PNLIPRP3: variants seen among roughly 807,000 people sequenced by gnomAD.
PNLIPRP3 encodes pancreatic lipase related protein 3, also known as pancreatic lipase-related protein 3.
A neutral mutation model predicts 52.8 loss-of-function variants in PNLIPRP3; 58 were observed. That is an observed-to-expected ratio of 1.10 (90% CI 0.89 to 1.37). PNLIPRP3 has a LOEUF of 1.37. Ranked by LOEUF, PNLIPRP3 falls within the 40% of genes most tolerant of loss-of-function variation. PNLIPRP3 has a pLI of 0.00. For synonymous variants in PNLIPRP3, 192 were observed against 185.0 expected, an observed-to-expected ratio of 1.04 and a Z score of -0.31; for missense variants, 593 against 561.6, an observed-to-expected ratio of 1.06 and a Z score of -0.57.
At chr10:116,450,458 A>C (rs1001501083) in intron 4 of PNLIPRP3, among the ~76,000 whole-genome samples, 14 of 152,218 alleles carry the variant, frequency 9.2e-5, no homozygotes, top group African/African-American at 3.4e-4. Context: ...AAATAATAAA[A>C]ATTACAGTAG....
intron 3 of PNLIPRP3, among the ~76,000 whole-genome samples, chr10:116,443,803 A>ATG (rs1564695678): frequency 5.6e-4 from 1 of 1,784 alleles, no homozygotes; most frequent in East Asian, 4.6e-3. Flanking sequence ...GTGTGTGTGC[A>ATG]TATATATATA....
intron 8 of PNLIPRP3, among the ~76,000 whole-genome samples, chr10:116,467,337 G>T (rs2133152130): frequency 6.6e-6 from 1 of 152,234 alleles, no homozygotes; most frequent in Non-Finnish European, 1.5e-5. Context: ...GCTACAGTGT[G>T]CTATGATCAT....
chr10:116,465,975 ACTGTTT>A (rs1846276334), intron 7 of PNLIPRP3, 69 bp from the exon 8 acceptor site: 3 of 1,076,426 alleles, frequency 2.8e-6, no homozygotes, highest in African/African-American at 3.1e-5. Flanking sequence ...ACTTACAGTT[ACTGTTT>A]CTAAGATATG....
At chr10:116,460,916 A>T (rs1490770794) in intron 5 of PNLIPRP3, 50 bp from the exon 6 acceptor site, 2 of 1,587,620 alleles carry the variant, frequency 1.3e-6, no homozygotes, top group Admixed American at 3.6e-5. Flanking sequence ...AAGTAACAAC[A>T]ATATTAATGT....
chr10:116,464,785 TG>T (rs1246166895), intron 7 of PNLIPRP3, among the ~76,000 whole-genome samples: 3 of 152,212 alleles, frequency 2.0e-5, no homozygotes, highest in Non-Finnish European at 4.4e-5. Context: ...GGCTTGTTTG[TG>T]TTACAGCTCA....
Position 116,469,302 on chromosome 10 carries a change from CT to C in PNLIPRP3, c.1048del (p.Ser350ProfsTer28). On this transcript the variant is annotated frameshift_variant, in exon 9 of 12. Transcript: ENST00000369230. LOFTEE classifies it high-confidence loss of function. ...GSHYFLNTGS[L>X]SPFARWRHKL... Reference sequence around the variant, plus strand: ...ACATTATTTTTTAAACACAGGGTCCCTTTCCCCATTTGCCCGTAAGTATCAT... The same window carrying C: ...ACATTATTTTTTAAACACAGGGTCCCTTCCCCATTTGCCCGTAAGTATCAT... 6.2e-7 allele frequency: 1 copy of C among 1,604,426 alleles called. No homozygotes were observed. Among genetic ancestry groups the C allele is most frequent in the Admixed American group, 1.7e-5 (1 of 58,380 alleles).
Position 116,476,968 on chromosome 10 carries a change from A to G in PNLIPRP3, c.1341-122A>G, listed in dbSNP as rs560449353. 165 of 1,165,138 alleles carry G rather than the reference A, an allele frequency of 1.4e-4. No homozygotes were observed. In the African/African-American group the frequency reaches 1.5e-3, roughly 11 times the overall value. 72.2% of individuals were successfully genotyped at this position (1,165,138 alleles called of 1,614,324 possible). Reference sequence around the variant, plus strand: ...AAGAAAGGGAAAAGTTAAGAAACCAATGCTATATGTGCAGAAGTGTTAGAA... The same window carrying G: ...AAGAAAGGGAAAAGTTAAGAAACCAGTGCTATATGTGCAGAAGTGTTAGAA... On this transcript the variant is annotated intron_variant, in intron 11 of 11. Coordinates refer to ENST00000369230, the MANE Select transcript of PNLIPRP3 (RefSeq NM_001011709.3).
At chr10:116,440,609 C>G (rs1186248050) in intron 2 of PNLIPRP3, among the ~76,000 whole-genome samples, 1 of 152,216 alleles carries the variant, frequency 6.6e-6, no homozygotes, top group African/African-American at 2.4e-5. Context: ...TAACTCTACA[C>G]AGTTAACATA....
At chr10:116,442,013 A>G (rs542109969) in intron 2 of PNLIPRP3, among the ~76,000 whole-genome samples, 64 of 152,310 alleles carry the variant, frequency 4.2e-4, no homozygotes, top group African/African-American at 1.5e-3. Context: ...TTGCATTACT[A>G]TTAAACACAG....
chr10:116,460,969 T>G lies in PNLIPRP3; in HGVS notation c.569T>G (p.Leu190Trp). The G allele has an allele frequency of 6.2e-7, 1 of 1,611,922 alleles. No homozygotes were observed. The highest frequency in any genetic ancestry group is 8.5e-7 in the Non-Finnish European group (1 of 1,179,992). Residue 190 changes from leucine to tryptophan, a missense_variant, in exon 6 of 12, where the codon TTG (leucine) becomes TGG (tryptophan). Physicochemically the swap from Leu to Trp is moderately conservative, Grantham distance 61 (BLOSUM62 -2). Coordinates refer to ENST00000369230, the MANE Select transcript of PNLIPRP3 (RefSeq NM_001011709.3). ...GTCTTGGTTGTGCTTTCTCTAGGGT[T>G]GGACCCAGCTGGGCCATTTTTCCAC... ...RIPGLGRITGLDPAGPFFHNT... is the reference protein window; with the variant it reads ...RIPGLGRITGWDPAGPFFHNT...
chr10:116,431,923 C>A (rs941604427), intron 1 of PNLIPRP3, among the ~76,000 whole-genome samples: 3 of 152,206 alleles, frequency 2.0e-5, no homozygotes, highest in African/African-American at 4.8e-5. Flanking sequence ...CTCTCCCCCC[C>A]AGGTCTTGAT....
rs1272317173 is a variant in PNLIPRP3 at position 116,476,539 on chromosome 10, CA to C, written c.1173-110del. On this transcript the variant is annotated intron_variant, in intron 10 of 11. Coordinates refer to ENST00000369230, the MANE Select transcript of PNLIPRP3 (RefSeq NM_001011709.3). The stretch of plus-strand genomic sequence containing the variant: ...ATGGAAAGAATAAATCTCCTACAAG[CA>C]AATGCTAGCAAATACAAGTTTCTCT... The C allele has an allele frequency of 3.9e-6, 3 of 778,366 alleles. No homozygotes were observed. In the African/African-American group the frequency reaches 5.5e-5, roughly 14 times the overall value. 48.2% of individuals were successfully genotyped at this position (778,366 alleles called of 1,614,324 possible).
At chr10:116,451,072 T>G (rs1846029535) in intron 4 of PNLIPRP3, among the ~76,000 whole-genome samples, 1 of 152,150 alleles carries the variant, frequency 6.6e-6, no homozygotes, top group African/African-American at 2.4e-5. Context: ...ATTAAAGCAG[T>G]GTGGCACTGG....
chr10:116,435,365 C>G (rs1008799324), intron 1 of PNLIPRP3, among the ~76,000 whole-genome samples: 11 of 150,056 alleles, frequency 7.3e-5, no homozygotes, highest in African/African-American at 2.7e-4. Context: ...AACTGGGAGT[C>G]AGGTTCTAAT....
At position 116,447,389 on chromosome 10, in the gene PNLIPRP3, T is replaced by C. The variant is rs563928855; in HGVS notation, c.456+2876T>C. Among the ~76,000 whole-genome samples the C allele has an allele frequency of 2.0e-5, 3 of 152,298 alleles. No individual in the cohort carries two copies. In the South Asian group the frequency reaches 6.2e-4, roughly 32 times the overall value. On this transcript the variant is annotated intron_variant, in intron 4 of 11. Transcript: ENST00000369230. ...CCCTCGCAGAGGTGGCTATTTTTTC[T>C]AATGTGCAAATACCAACATAAAGAG...
At chr10:116,458,452 T>C (rs1846146778) in intron 5 of PNLIPRP3, among the ~76,000 whole-genome samples, 1 of 1,416 alleles carries the variant, frequency 7.1e-4, no homozygotes, top group Non-Finnish European at 1.2e-3. Context: ...AAGACTGTCT[T>C]TTTTTTTTTT....
chr10:116,436,774 T>C lies in PNLIPRP3; in HGVS notation c.113T>C (p.Phe38Ser). The change falls in exon 2 of 12, where the codon TTC becomes TCC. Residue 38 changes from phenylalanine to serine, a missense_variant. By Grantham distance (155) the Phe-to-Ser change is radical (BLOSUM62 -2). Coordinates refer to ENST00000369230, the MANE Select transcript of PNLIPRP3 (RefSeq NM_001011709.3). ...GATGGTTTACCATGGACCAGGACTTTCTCAACAGAGTTGGTAGGTTTACCC... is the reference window on the plus strand; with the variant it reads ...GATGGTTTACCATGGACCAGGACTTCCTCAACAGAGTTGGTAGGTTTACCC... ...FKDGLPWTRT[F>S]STELVGLPWS... 1 of 1,613,822 alleles carries C rather than the reference T, an allele frequency of 6.2e-7. No homozygotes were observed. The highest frequency in any genetic ancestry group is 8.5e-7 in the Non-Finnish European group (1 of 1,179,832).
chr10:116,457,362 G>A (rs957788360), intron 5 of PNLIPRP3, among the ~76,000 whole-genome samples: 7 of 151,738 alleles, frequency 4.6e-5, no homozygotes, highest in Non-Finnish European at 8.8e-5. Flanking sequence ...GTACGTGCTC[G>A]CTCTCTCTCT....
chr10:116,441,366 C>T (rs564901626), intron 2 of PNLIPRP3, among the ~76,000 whole-genome samples: 2 of 152,172 alleles, frequency 1.3e-5, no homozygotes, highest in Non-Finnish European at 2.9e-5. Flanking sequence ...TGTCAGAATG[C>T]TATTCTCATG....
Sources: gnomAD v4.1 joint callset for allele counts (sites outside exome capture counted in the v4.1 genomes callset) on GRCh38, gnomAD v4.1.1 for gene constraint, MANE v1.5 for transcripts, NCBI Gene and HGNC (gene_info 2026-07-23, HGNC 2026-07-21) for gene names.